Variants in NDE1 observed in about 807,000 individuals in gnomAD.
The protein encoded by NDE1 is nuclear distribution protein nudE homolog 1.
Under a neutral mutation model 43.4 loss-of-function variants are expected in NDE1, and 28 were observed. The observed-to-expected ratio is 0.65, with a 90% CI of 0.48 to 0.89. NDE1 has a LOEUF of 0.89. NDE1 is among the 40% of genes least tolerant of loss of function. The pLI is 0.00. For synonymous variants in NDE1, 184 were observed against 172.0 expected (o/e 1.07, Z -0.55); for missense variants, 441 against 434.1 (o/e 1.02, Z -0.14).
chr16:15,706,671 C>T (rs1294683704), intron 8 of NDE1, among the ~76,000 whole-genome samples: 1 of 151,304 alleles, frequency 6.6e-6, no homozygotes, highest in Non-Finnish European at 1.5e-5. Flanking sequence ...TGTGCCACTG[C>T]ACTCCAGCCT....
intron 8 of NDE1, among the ~76,000 whole-genome samples, chr16:15,706,069 A>G (rs1309139344): frequency 6.6e-6 from 1 of 150,454 alleles, no homozygotes; most frequent in African/African-American, 2.4e-5. Context: ...TTGTTGACAG[A>G]GGATGGGAGA....
Position 15,692,271 on chromosome 16 carries a change from A to G in NDE1, c.703+948A>G, listed in dbSNP as rs926899560. On this transcript the variant is annotated intron_variant, in intron 6 of 8. Coordinates refer to ENST00000396354, the MANE Select transcript of NDE1 (RefSeq NM_017668.3). ...CTGAGTTAAGCAGAGTCATGAAGCA[A>G]TTGAATGGCAGATGGTTTGGGATTC... 2.6e-5 allele frequency among the ~76,000 whole-genome samples: 4 copies of G among 152,196 alleles called. 1 individual carries two copies. Among genetic ancestry groups the G allele is most frequent in the African/African-American group, 9.6e-5 (4 of 41,458 alleles).
chr16:15,719,587 C>T, intron 8 of NDE1: 1 of 1,614,146 alleles, frequency 6.2e-7, no homozygotes, highest in Non-Finnish European at 8.5e-7. Context: ...GGCTTTACCT[C>T]TTGTAGCTGC....
upstream of NDE1, among the ~76,000 whole-genome samples, chr16:15,645,892 G>T (rs985613787): frequency 1.3e-5 from 2 of 152,138 alleles, no homozygotes; most frequent in African/African-American, 2.4e-5. Context: ...CCTGTATTAG[G>T]TTCAGTGGTT....
rs781252922 is a variant in NDE1 at position 15,720,269 on chromosome 16, C to T, written c.948-3922C>T. ...CTTCTTTGCTGCAGCTGCCAGGGCA[C>T]GTTGCTTTCGCTCGTCTTCCAGTTC... On this transcript the variant is annotated intron_variant, in intron 8 of 8. Coordinates refer to ENST00000396354, the MANE Select transcript of NDE1 (RefSeq NM_017668.3). 20 of 1,614,132 alleles carry T rather than the reference C, an allele frequency of 1.2e-5. No individual in the cohort carries two copies. The highest frequency in any genetic ancestry group is 5.1e-6 in the Non-Finnish European group (6 of 1,180,012).
intron 8 of NDE1, among the ~76,000 whole-genome samples, chr16:15,716,949 TAGGCC>T (rs2040183941): frequency 6.6e-6 from 1 of 152,226 alleles, no homozygotes; most frequent in South Asian, 2.1e-4. Context: ...GTGCTTGCCC[TAGGCC>T]AGGAACCAGC....
intron 8 of NDE1, chr16:15,703,649 T>C: frequency 2.4e-6 from 1 of 424,078 alleles, no homozygotes; most frequent in Non-Finnish European, 4.4e-6. Flanking sequence ...AGTGCAATGA[T>C]GCAATTATAG....
At chr16:15,706,719 A>C (rs926401091) in intron 8 of NDE1, among the ~76,000 whole-genome samples, 1 of 152,022 alleles carries the variant, frequency 6.6e-6, no homozygotes, top group Admixed American at 6.6e-5. Context: ...AAAAAACAAA[A>C]AAAAATCTGA....
At chr16:15,680,925 G>T (rs11649278) in intron 4 of NDE1, among the ~76,000 whole-genome samples, 2 of 151,490 alleles carry the variant, frequency 1.3e-5, no homozygotes, top group East Asian at 3.9e-4. Flanking sequence ...TTTGTCTATT[G>T]TATCATTTTC....
intron 1 of NDE1, among the ~76,000 whole-genome samples, chr16:15,660,571 T>C (rs559331973): frequency 1.4e-4 from 21 of 152,288 alleles, no homozygotes; most frequent in African/African-American, 5.1e-4. Context: ...GTTGGCTAAT[T>C]TATTTCATCG....
rs1428003729 is a variant in NDE1, at chr16:15,717,984, T to C, written c.948-6207T>C. 3.1e-5 allele frequency: 13 copies of C among 421,122 alleles called. No individual in the cohort carries two copies. The Admixed American group carries it at 4.6e-4, about 15-fold the overall frequency. The allele number at this position is 421,122 out of a possible 1,614,324, so 26.1% of individuals were successfully genotyped here. A position where few individuals can be genotyped will look rare whatever the true frequency, so the allele number is the denominator to read the frequency against. On this transcript the variant is annotated intron_variant, in intron 8 of 8. Transcript: ENST00000396354. ...AGTGCTCAGTGACATCACCAAGGGC[T>C]CACTGGATAAGGTCAGAGCTTCAGC...
chr16:15,695,066 C>T (rs889057293), intron 7 of NDE1: 9 of 246,248 alleles, frequency 3.7e-5, no homozygotes, highest in Non-Finnish European at 5.2e-5. Context: ...ACTGGTGGTC[C>T]CAGCTACTCA....
At position 15,714,959 on chromosome 16, in the gene NDE1, C is replaced by T. The variant is rs1331907008; in HGVS notation, c.948-9232C>T. The T allele has an allele frequency of 3.1e-6, 5 of 1,614,128 alleles. No individual in the cohort carries two copies. The highest frequency in any genetic ancestry group is 4.2e-6 in the Non-Finnish European group (5 of 1,180,042). ...CCTCGCGGCCCATGGCCTCGTTGCT[C>T]TCCGTGGCCTCATCCAGCTCCCGCT... On this transcript the variant is annotated intron_variant, in intron 8 of 8. Transcript: ENST00000396354.
At chr16:15,674,870 C>T (rs748162340) in intron 3 of NDE1, among the ~76,000 whole-genome samples, 5 of 152,098 alleles carry the variant, frequency 3.3e-5, no homozygotes, top group African/African-American at 1.2e-4. Flanking sequence ...CCATGCCCTG[C>T]TAATTTTTAT....
At chr16:15,661,156 G>GTT (rs56830963) in intron 1 of NDE1, among the ~76,000 whole-genome samples, 15 of 132,222 alleles carry the variant, frequency 1.1e-4, no homozygotes, top group African/African-American at 3.9e-4. Flanking sequence ...AGTTTTACTT[G>GTT]TTTTTTTTTT....
intron 3 of NDE1, chr16:15,672,849 A>G (rs564372153): frequency 6.6e-6 from 1 of 152,288 alleles, no homozygotes; most frequent in South Asian, 2.1e-4. Context: ...CACGCCTGGG[A>G]ACAGGGCCTG....
chr16:15,654,602 CAAAAAAAAAAAAAACA>C (rs772822439), intron 1 of NDE1, among the ~76,000 whole-genome samples: 12 of 75,604 alleles, frequency 1.6e-4, no homozygotes, highest in African/African-American at 2.7e-4. Context: ...GATTCCGACT[CAAAAAAAAAAAAAACA>C]AAAAAAAAAA....
intron 7 of NDE1, chr16:15,695,674 A>C: frequency 1.0e-6 from 1 of 985,364 alleles, no homozygotes; most frequent in Non-Finnish European, 1.2e-6. Context: ...CCAAGTTGTC[A>C]CTGTACACAG....
At chr16:15,663,604 C>T (rs937214544) in intron 1 of NDE1, among the ~76,000 whole-genome samples, 4 of 152,042 alleles carry the variant, frequency 2.6e-5, no homozygotes, top group South Asian at 4.1e-4. Flanking sequence ...CCTTGACTTT[C>T]GGGTTGAGTT....
Sources: gnomAD v4.1 joint callset for allele counts (sites outside exome capture counted in the v4.1 genomes callset) on GRCh38, gnomAD v4.1.1 for gene constraint, MANE v1.5 for transcripts, NCBI Gene and HGNC (gene_info 2026-07-23, HGNC 2026-07-21) for gene names.